The following ZNF445 variants were observed in gnomAD, a reference collection of about 807,000 sequenced individuals.
The protein encoded by ZNF445 is zinc finger protein 168.
A neutral mutation model predicts 93.9 loss-of-function variants in ZNF445; 19 were observed. The ratio of observed to expected loss-of-function variants is 0.20; its 90% CI spans 0.14 to 0.30. The LOEUF (loss-of-function observed/expected upper bound fraction) is 0.30. Ranked by LOEUF, ZNF445 falls within the 10% of genes least tolerant of loss-of-function variation. The pLI is 1.00. For missense variants in ZNF445, 1,058 were observed against 1,259.4 expected, an observed-to-expected ratio of 0.84 and a Z score of 2.42; for synonymous variants, 449 against 446.3, an observed-to-expected ratio of 1.01 and a Z score of -0.08.
In ZNF445 at chr3:44,441,858, A is replaced by T. The variant is rs1298545625; in HGVS notation, c.*4717T>A. On this transcript the variant is annotated 3_prime_UTR_variant, in exon 8 of 8. Transcript: ENST00000396077. ...ATGGTGACTTGCACACATCGTTCCA[A>T]TACATGATTTTATACTCATTTCATA... The T allele has an allele frequency of 6.6e-6, 1 of 152,200 alleles. No individual in the cohort carries two copies. The highest frequency in any genetic ancestry group is 2.4e-5 in the African/African-American group (1 of 41,456). 9.4% of individuals were successfully genotyped at this position (152,200 alleles called of 1,614,324 possible). A position where few individuals can be genotyped will look rare whatever the true frequency, so the allele number is the denominator to read the frequency against.
At chr3:44,472,790 T>C (rs900803918) in intron 1 of ZNF445, among the ~76,000 whole-genome samples, 9 of 152,344 alleles carry the variant, frequency 5.9e-5, no homozygotes, top group Middle Eastern at 3.4e-3. Flanking sequence ...CTTTTAAGCA[T>C]AGAAGAAAAG....
Position 44,450,495 on chromosome 3 carries a change from G to T in ZNF445, c.772C>A (p.Leu258Met), listed in dbSNP as rs1697942453. ...WGWLDSAQRN[L>M]YRDVMLENYR... is the part of the protein sequence containing the mutation. ...TTCTCCAGCATCACATCCCTGTACA[G>T]GTTCCTCTGAGCAGAGTCCAGCCAC... The change falls in exon 6 of 8, where the codon CTG becomes ATG. Residue 258 changes from leucine (L) to methionine (M), a missense_variant. Leu to Met is a conservative substitution (Grantham distance 15, BLOSUM62 2). Transcript: ENST00000396077. 6.2e-7 allele frequency: 1 copy of T among 1,614,154 alleles called. No homozygotes were observed. The highest frequency in any genetic ancestry group is 8.5e-7 in the Non-Finnish European group (1 of 1,180,028).
At position 44,450,232 on chromosome 3, in the gene ZNF445, C is replaced by T. The variant is rs895460269; in HGVS notation, c.820+215G>A. 6.9e-6 allele frequency: 4 copies of T among 581,804 alleles called. No homozygotes were observed. The African/African-American group carries it at 7.5e-5, about 11-fold the overall frequency. 36.0% of individuals were successfully genotyped at this position (581,804 alleles called of 1,614,324 possible). ...GGGATTACAGGTGTGAGCTACCACA[C>T]CCAGCCACCTTTAATCTTTACAATA... On this transcript the variant is annotated intron_variant, in intron 6 of 7. Coordinates refer to ENST00000396077, the MANE Select transcript of ZNF445 (RefSeq NM_181489.6).
chr3:44,462,810 A>G (rs1325385400), intron 1 of ZNF445, among the ~76,000 whole-genome samples: 1 of 152,200 alleles, frequency 6.6e-6, no homozygotes, highest in African/African-American at 2.4e-5. Context: ...AAAGCCAAAA[A>G]TATTGGCCAC....
intron 6 of ZNF445, chr3:44,450,009 T>G (rs1295789359): frequency 6.6e-6 from 2 of 301,192 alleles, no homozygotes; most frequent in African/African-American, 4.4e-5. Context: ...GGTGCGATCT[T>G]GGCTCACTGC....
intron 1 of ZNF445, among the ~76,000 whole-genome samples, chr3:44,461,235 G>A (rs1698110898): frequency 6.6e-6 from 1 of 152,118 alleles, no homozygotes; most frequent in Non-Finnish European, 1.5e-5. Flanking sequence ...GCTCTACCAT[G>A]GGGTGTCTGT....
chr3:44,443,535 G>A lies in ZNF445; in HGVS notation c.*3040C>T, dbSNP rs1215609249. On this transcript the variant is annotated 3_prime_UTR_variant, in exon 8 of 8. Coordinates refer to ENST00000396077, the MANE Select transcript of ZNF445 (RefSeq NM_181489.6). ...GGAGATCGAGACCATCCTGGAGATCGAGACCATCCTGGAGATCGAGACCAT... is the reference window on the plus strand; with the variant it reads ...GGAGATCGAGACCATCCTGGAGATCAAGACCATCCTGGAGATCGAGACCAT... The A allele has an allele frequency of 2.0e-5, 3 of 151,488 alleles. No homozygotes were observed. The highest frequency in any genetic ancestry group is 7.3e-5 in the African/African-American group (3 of 41,244). The allele number at this position is 151,488 out of a possible 1,614,324, so 9.4% of individuals were successfully genotyped here.
Position 44,447,071 on chromosome 3 carries a change from C to T in ZNF445, c.2600G>A (p.Arg867His), listed in dbSNP as rs1304712503. The T allele has an allele frequency of 1.9e-6, 3 of 1,614,206 alleles. No individual in the cohort carries two copies. Among genetic ancestry groups the T allele is most frequent in the South Asian group, 1.1e-5 (1 of 91,088 alleles). ...DHKGIHSGEK[R>H]YKCNLCGKSY... Reference sequence around the variant, plus strand: ...TTTCCCACATAGATTACATTTATAGCGCTTCTCTCCACTGTGTATTCCCTT... The same window carrying T: ...TTTCCCACATAGATTACATTTATAGTGCTTCTCTCCACTGTGTATTCCCTT... Residue 867 changes from arginine (R) to histidine (H), a missense_variant, in exon 8 of 8, where the codon CGC (arginine) becomes CAC (histidine). Arg to His is a conservative substitution (Grantham distance 29). Coordinates refer to ENST00000396077, the MANE Select transcript of ZNF445 (RefSeq NM_181489.6). This position sits in a 1 kb window ranked among gnomAD's most constrained non-coding sequence, Gnocchi z 4.7.
chr3:44,440,648 C>A lies in ZNF445; in HGVS notation c.*5927G>T, dbSNP rs948013307. Reference sequence around the variant, plus strand: ...CAGTCCCCAAGAGAGAGTTCTTGGACCTTGCTCAAGAAAAGAATTCGGGCG... The same window carrying A: ...CAGTCCCCAAGAGAGAGTTCTTGGAACTTGCTCAAGAAAAGAATTCGGGCG... On this transcript the variant is annotated 3_prime_UTR_variant, in exon 8 of 8. Coordinates refer to ENST00000396077, the MANE Select transcript of ZNF445 (RefSeq NM_181489.6). The A allele has an allele frequency of 3.9e-5, 6 of 152,100 alleles. No individual in the cohort carries two copies. The highest frequency in any genetic ancestry group is 8.8e-5 in the Non-Finnish European group (6 of 68,024). The allele number at this position is 152,100 out of a possible 1,614,324, so 9.4% of individuals were successfully genotyped here. A position where few individuals can be genotyped will look rare whatever the true frequency, so the allele number is the denominator to read the frequency against.
chr3:44,456,033 G>A (rs1196057992), intron 2 of ZNF445, among the ~76,000 whole-genome samples: 2 of 152,148 alleles, frequency 1.3e-5, no homozygotes, highest in African/African-American at 4.8e-5. Context: ...TTTATCTACA[G>A]GTCTAATGCA....
Position 44,433,115 on chromosome 3 carries a change from G to A in ZNF445, c.*13460C>T, listed in dbSNP as rs1178863095. 6.6e-6 allele frequency: 1 copy of A among 151,918 alleles called. No homozygotes were observed. Among genetic ancestry groups the A allele is most frequent in the African/African-American group, 2.4e-5 (1 of 41,350 alleles). The allele number at this position is 151,918 out of a possible 1,614,324, so 9.4% of individuals were successfully genotyped here. On this transcript the variant is annotated 3_prime_UTR_variant, in exon 8 of 8. Transcript: ENST00000396077. ...CACCCAAAGCTTCCTGGGATGCTAA[G>A]GGTCATCGTTCTTTTTTTTTTTTTT...
intron 1 of ZNF445, among the ~76,000 whole-genome samples, chr3:44,468,086 T>C (rs1698217710): frequency 6.6e-6 from 1 of 152,262 alleles, no homozygotes; most frequent in Admixed American, 6.5e-5. Flanking sequence ...TGGCCAAGCC[T>C]GCGTGAGTAC....
intron 2 of ZNF445, among the ~76,000 whole-genome samples, chr3:44,456,605 A>C (rs1284587500): frequency 6.6e-6 from 1 of 152,226 alleles, no homozygotes; most frequent in Non-Finnish European, 1.5e-5. Context: ...GAAAAACCAG[A>C]AACAGAACCA....
Position 44,438,351 on chromosome 3 carries a change from G to A in ZNF445, c.*8224C>T, listed in dbSNP as rs944231228. On this transcript the variant is annotated 3_prime_UTR_variant, in exon 8 of 8. Transcript: ENST00000396077. ...ATTTTTGTATTTTTAATAGAGATGG[G>A]GTTTCACCATATTGGCCAGGCTGGC... 6.6e-6 allele frequency: 1 copy of A among 151,818 alleles called. No homozygotes were observed. The highest frequency in any genetic ancestry group is 2.4e-5 in the African/African-American group (1 of 41,264). 9.4% of individuals were successfully genotyped at this position (151,818 alleles called of 1,614,324 possible). A position where few individuals can be genotyped will look rare whatever the true frequency, so the allele number is the denominator to read the frequency against.
chr3:44,474,192 G>A (rs1342753340), intron 1 of ZNF445, among the ~76,000 whole-genome samples: 1 of 152,166 alleles, frequency 6.6e-6, no homozygotes, highest in Non-Finnish European at 1.5e-5. Context: ...GAAAACTTGA[G>A]ATGCAACCAA....
chr3:44,455,472 T>C lies in ZNF445; in HGVS notation c.78A>G (p.Val26=). ...AGCTTTCATCCTCTTCTTCCTTCTT[T>C]ACTGTCTGAAGCCGCCCTCGCTCCC... ...SSRERGRLQT[V]KKEEEDESYT... is the part of the protein sequence containing the mutation. Residue 26 remains valine (V), a synonymous_variant, in exon 3 of 8, where the codon GTA becomes GTG. Transcript: ENST00000396077. The C allele has an allele frequency of 6.2e-7, 1 of 1,614,172 alleles. No individual in the cohort carries two copies. Among genetic ancestry groups the C allele is most frequent in the Non-Finnish European group, 8.5e-7 (1 of 1,180,008 alleles).
chr3:44,474,924 G>A (rs1227622655), intron 1 of ZNF445, among the ~76,000 whole-genome samples: 1 of 151,970 alleles, frequency 6.6e-6, no homozygotes, highest in East Asian at 1.9e-4. Context: ...CTGAGGTCAG[G>A]AGTTTGAGAC....
chr3:44,476,472 CACACACACGCAG>C (rs1436602597), intron 1 of ZNF445, among the ~76,000 whole-genome samples: 1 of 151,982 alleles, frequency 6.6e-6, no homozygotes, highest in Non-Finnish European at 1.5e-5. Flanking sequence ...TGCATGCACA[CACACACACGCAG>C]ACACACACAC....
chr3:44,474,360 CA>C (rs1038345557), intron 1 of ZNF445, among the ~76,000 whole-genome samples: 19 of 152,026 alleles, frequency 1.2e-4, no homozygotes, highest in African/African-American at 4.3e-4. Context: ...ACTAAAAATA[CA>C]AAATTAGCCA....
Sources: gnomAD v4.1 joint callset for allele counts (sites outside exome capture counted in the v4.1 genomes callset) on GRCh38, gnomAD v4.1.1 for gene constraint, Gnocchi (gnomAD v3.1) non-coding constraint, MANE v1.5 for transcripts, NCBI Gene and HGNC (gene_info 2026-07-23, HGNC 2026-07-21) for gene names.